ARFGAP3: variants seen among roughly 807,000 people sequenced by gnomAD.
The protein encoded by ARFGAP3 is ARF GTPase activating protein 3, also known as ADP-ribosylation factor GTPase-activating protein 3.
In ARFGAP3, 72 loss-of-function variants were observed where a neutral mutation model predicts 75.0. That is an observed-to-expected ratio of 0.96 (90% CI 0.79 to 1.17). ARFGAP3 has a LOEUF of 1.17. Ranked by LOEUF, ARFGAP3 falls within the 50% of genes most tolerant of loss-of-function variation. The pLI is 0.00. For synonymous variants in ARFGAP3, 221 were observed against 217.9 expected, an observed-to-expected ratio of 1.01 and a Z score of -0.13; for missense variants, 620 against 626.6, an observed-to-expected ratio of 0.99 and a Z score of 0.11.
chr22:42,832,999 AAAAG>A (rs1459818495), intron 5 of ARFGAP3, among the ~76,000 whole-genome samples: 1 of 152,096 alleles, frequency 6.6e-6, no homozygotes, highest in South Asian at 2.1e-4. Flanking sequence ...AAAAAAAAAA[AAAAG>A]AAAGGAAGAA....
intron 4 of ARFGAP3, 78 bp downstream of exon 4, chr22:42,835,284 A>T (rs766926413): frequency 4.3e-5 from 65 of 1,521,934 alleles, no homozygotes; most frequent in Non-Finnish European, 5.8e-5. Context: ...GAAAAGTTTT[A>T]CTATTCAGGA....
Position 42,797,447 on chromosome 22 carries a change from T to C in ARFGAP3, c.*141A>G, listed in dbSNP as rs137911963. On this transcript the variant is annotated 3_prime_UTR_variant, in exon 16 of 16. Transcript: ENST00000263245. ...AACTCAGAATTTCTCAAAAGAAATA[T>C]TAAAAATCAGAAACATATACCATAT... The C allele has an allele frequency of 3.5e-4, 375 of 1,074,458 alleles. 2 individuals are homozygous for C. The African/African-American group carries it at 5.6e-3, about 16-fold the overall frequency. The allele number at this position is 1,074,458 out of a possible 1,614,324, so 66.6% of individuals were successfully genotyped here.
Position 42,799,054 on chromosome 22 carries a change from G to A in ARFGAP3, c.1518C>T (p.Val506=), listed in dbSNP as rs762282981. ...AGKLSVFANG[V]VTSIQDRYGS is the part of the protein sequence containing the mutation. ...TTCCACTGACCTGAATTGAAGTCAC[G>A]ACTCCATTAGCAAAGACGGAGAGTT... Residue 506 remains valine, a synonymous_variant, in exon 15 of 16, where the codon GTC becomes GTT. Coordinates refer to ENST00000263245, the MANE Select transcript of ARFGAP3 (RefSeq NM_014570.5). 20 of 1,613,976 alleles carry A rather than the reference G, an allele frequency of 1.2e-5. No individual in the cohort carries two copies. The highest frequency in any genetic ancestry group is 2.2e-5 in the East Asian group (1 of 44,896).
rs931920124 is a variant in ARFGAP3 at position 42,835,675 on chromosome 22, G to A, written c.262-182C>T. On this transcript the variant is annotated intron_variant, in intron 3 of 15. Transcript: ENST00000263245. Reference sequence around the variant, plus strand: ...CCTTTACTAAAAATACAAAAAATTAGCCAGGCGTGGTGGCGGGCGCCTGTA... The same window carrying A: ...CCTTTACTAAAAATACAAAAAATTAACCAGGCGTGGTGGCGGGCGCCTGTA... The A allele has an allele frequency of 1.1e-5, 3 of 262,676 alleles. No homozygotes were observed. The Admixed American group carries it at 2.0e-4, about 17-fold the overall frequency. The allele number at this position is 262,676 out of a possible 1,614,324, so 16.3% of individuals were successfully genotyped here. A position where few individuals can be genotyped will look rare whatever the true frequency, so the allele number is the denominator to read the frequency against.
intron 9 of ARFGAP3, among the ~76,000 whole-genome samples, chr22:42,820,457 G>A (rs890224670): frequency 3.3e-5 from 5 of 152,240 alleles, no homozygotes; most frequent in Non-Finnish European, 2.9e-5. Flanking sequence ...TTAGCGAACC[G>A]TCAGTATGAA....
At chr22:42,848,976 T>G (rs1471743380) in intron 1 of ARFGAP3, among the ~76,000 whole-genome samples, 3 of 152,184 alleles carry the variant, frequency 2.0e-5, no homozygotes, top group African/African-American at 7.2e-5. Flanking sequence ...CTCCCCACCT[T>G]GGATCACTAG....
intron 14 of ARFGAP3, among the ~76,000 whole-genome samples, chr22:42,799,875 G>A (rs1387623445): frequency 1.3e-5 from 2 of 152,194 alleles, no homozygotes; most frequent in Non-Finnish European, 2.9e-5. Flanking sequence ...AAGCTCCACT[G>A]CCAGTCTTCC....
Position 42,848,347 on chromosome 22 carries a change from T to C in ARFGAP3, c.70-715A>G, listed in dbSNP as rs572816047. Among the ~76,000 whole-genome samples, 3 of 152,314 alleles carry C rather than the reference T, an allele frequency of 2.0e-5. No homozygotes were observed. In the East Asian group the frequency reaches 5.8e-4, roughly 29 times the overall value. ...CCTCAGCCTCCTGAGTAGCTGGGAC[T>C]ACAGGCGCCCGCCACCGCACCCGGC... is the stretch of plus-strand genomic sequence containing the variant. On this transcript the variant is annotated intron_variant, in intron 1 of 15. Transcript: ENST00000263245.
chr22:42,855,855 A>T (rs1569180790), intron 1 of ARFGAP3, among the ~76,000 whole-genome samples: 1 of 137,244 alleles, frequency 7.3e-6, no homozygotes, highest in Non-Finnish European at 1.7e-5. Context: ...CCCTGTCTCT[A>T]CAAAAATTAA....
chr22:42,802,895 T>C (rs1228621423), intron 14 of ARFGAP3, among the ~76,000 whole-genome samples: 1 of 152,340 alleles, frequency 6.6e-6, no homozygotes, highest in African/African-American at 2.4e-5. Flanking sequence ...CCACCACACC[T>C]GGCCCAAAAT....
chr22:42,811,249 C>A (rs932133562), intron 11 of ARFGAP3, among the ~76,000 whole-genome samples: 2 of 152,180 alleles, frequency 1.3e-5, no homozygotes, highest in African/African-American at 4.8e-5. Context: ...ACATGGAGGA[C>A]AGGTACTCTA....
chr22:42,807,434 C>T (rs1412252709), intron 13 of ARFGAP3, among the ~76,000 whole-genome samples: 33 of 152,142 alleles, frequency 2.2e-4, no homozygotes, highest in East Asian at 1.9e-4. Flanking sequence ...GGAGGGAGAG[C>T]GGCATCTCTC....
At chr22:42,835,313 T>TG (rs960822138) in intron 4 of ARFGAP3, 49 bp downstream of exon 4, 6 of 1,582,736 alleles carry the variant, frequency 3.8e-6, no homozygotes, top group Non-Finnish European at 5.1e-6. Flanking sequence ...ACTTTTTCTA[T>TG]GAAGTGAACA....
chr22:42,846,763 C>T (rs986702065), intron 2 of ARFGAP3, among the ~76,000 whole-genome samples: 2 of 152,224 alleles, frequency 1.3e-5, no homozygotes, highest in Admixed American at 6.5e-5. Context: ...ATAGGACAGA[C>T]CCACAGCACC....
intron 6 of ARFGAP3, among the ~76,000 whole-genome samples, chr22:42,829,522 G>A (rs113821677): frequency 4.0e-5 from 6 of 148,370 alleles, no homozygotes; most frequent in African/African-American, 1.0e-4. Flanking sequence ...AGGCATCTAC[G>A]GTCATATGCC....
chr22:42,855,124 A>G (rs979756570), intron 1 of ARFGAP3, among the ~76,000 whole-genome samples: 3 of 152,216 alleles, frequency 2.0e-5, no homozygotes, highest in Non-Finnish European at 1.5e-5. Context: ...GGAGGAAAAA[A>G]GGGACAAAGT....
intron 14 of ARFGAP3, among the ~76,000 whole-genome samples, chr22:42,802,386 C>A (rs532647593): frequency 1.3e-5 from 2 of 151,484 alleles, no homozygotes; most frequent in Non-Finnish European, 2.9e-5. Flanking sequence ...CCCAGGTTCA[C>A]GCCATTCTCC....
At chr22:42,807,846 G>A (rs9611912) in intron 13 of ARFGAP3, among the ~76,000 whole-genome samples, 5,746 of 146,974 alleles carry the variant, frequency 0.039, 159 homozygotes, top group African/African-American at 0.075. Flanking sequence ...TTCTGGGTTC[G>A]AGCGATTCTC....
Position 42,856,742 on chromosome 22 carries a change from C to T in ARFGAP3, c.69+372G>A, listed in dbSNP as rs1927518062. ...GCGCTTTCCCCGCATCCGGCGCCAG[C>T]AGCCGGGGTTTCCGAGCCGGGAGCT... On this transcript the variant is annotated intron_variant, in intron 1 of 15. Coordinates refer to ENST00000263245, the MANE Select transcript of ARFGAP3 (RefSeq NM_014570.5). 2.0e-5 allele frequency among the ~76,000 whole-genome samples: 3 copies of T among 152,102 alleles called. No homozygotes were observed. In the South Asian group the frequency reaches 6.2e-4, roughly 31 times the overall value.
Sources: gnomAD v4.1 joint callset for allele counts (sites outside exome capture counted in the v4.1 genomes callset) on GRCh38, gnomAD v4.1.1 for gene constraint, MANE v1.5 for transcripts, NCBI Gene and HGNC (gene_info 2026-07-23, HGNC 2026-07-21) for gene names.